PHACTR2: variants seen among roughly 807,000 people sequenced by gnomAD.
The protein encoded by PHACTR2 is phosphatase and actin regulator 2, also known as chromosome 6 open reading frame 56.
Under a neutral mutation model 76.0 loss-of-function variants are expected in PHACTR2, and 30 were observed. That is an observed-to-expected ratio of 0.39 (90% CI 0.30 to 0.54). The LOEUF (loss-of-function observed/expected upper bound fraction) is 0.54, where lower values mean the gene tolerates loss of function less well. Among genes scored for constraint, PHACTR2 ranks in the 20% least tolerant of loss-of-function variants. PHACTR2 has a pLI of 0.61. For synonymous variants in PHACTR2, 292 were observed against 292.5 expected, an observed-to-expected ratio of 1.00 and a Z score of 0.02; for missense variants, 696 against 781.1, an observed-to-expected ratio of 0.89 and a Z score of 1.30.
rs1054857114 is a variant in PHACTR2 at position 143,581,776 on chromosome 6, G to A, written c.217+44569G>A. Among the ~76,000 whole-genome samples, 1 of 152,090 alleles carries A rather than the reference G, an allele frequency of 6.6e-6. No homozygotes were observed. Among genetic ancestry groups the A allele is most frequent in the African/African-American group, 2.4e-5 (1 of 41,406 alleles). ...AGCCTGGGAAAGTCGAGGCTGCAGT[G>A]AGCCATGATCACGCCACTGCACTCC... On this transcript the variant is annotated intron_variant, in intron 1 of 11. Transcript: ENST00000367584. This position sits in a 1 kb window ranked among gnomAD's most constrained non-coding sequence, Gnocchi z 4.5.
chr6:143,604,862 A>G (rs1416211241), upstream of PHACTR2, among the ~76,000 whole-genome samples: 1 of 149,526 alleles, frequency 6.7e-6, no homozygotes, highest in Non-Finnish European at 1.5e-5. Flanking sequence ...ATTGCACTCC[A>G]GCCTAGGCAA....
upstream of PHACTR2, among the ~76,000 whole-genome samples, chr6:143,604,096 CAAAAAAAA>C (rs5880568): frequency 4.8e-4 from 53 of 110,352 alleles, no homozygotes; most frequent in Non-Finnish European, 7.0e-4. Context: ...GACTCTGATT[CAAAAAAAA>C]AAAAAAAAAA....
chr6:143,702,589 A>G (rs1448363519), intron 1 of PHACTR2, among the ~76,000 whole-genome samples: 1 of 152,120 alleles, frequency 6.6e-6, no homozygotes, highest in Non-Finnish European at 1.5e-5. Flanking sequence ...CAATTTGGGA[A>G]GCCAGATAGC....
chr6:143,798,381 A>G (rs1449054441), intron 11 of PHACTR2, among the ~76,000 whole-genome samples: 3 of 152,122 alleles, frequency 2.0e-5, no homozygotes, highest in Non-Finnish European at 2.9e-5. Context: ...CTATTTGAAT[A>G]CCTTTTATTG....
At chr6:143,637,292 T>G (rs956734496) in intron 1 of PHACTR2, among the ~76,000 whole-genome samples, 3 of 151,598 alleles carry the variant, frequency 2.0e-5, no homozygotes, top group African/African-American at 7.3e-5. Flanking sequence ...TTTGTTTTTC[T>G]AAGTTAACCA....
chr6:143,604,904 G>A (rs201583252), upstream of PHACTR2, among the ~76,000 whole-genome samples: 10 of 116,838 alleles, frequency 8.6e-5, no homozygotes, highest in African/African-American at 2.5e-4. Context: ...AAAAAAAAAA[G>A]AGAAAAAAAA....
rs1777825752 is a variant in PHACTR2, at chr6:143,698,538, GC to G, written c.47-13475del. On this transcript the variant is annotated intron_variant, in intron 1 of 12. Coordinates refer to ENST00000440869, the MANE Select transcript of PHACTR2 (RefSeq NM_001100164.2). The surrounding 1 kb of genome is among the most constrained non-coding windows in gnomAD (Gnocchi z 4.3). The stretch of plus-strand genomic sequence containing the variant: ...TATGAAACTAGACTAAACCTCTGTA[GC>G]CCTCAAACAATTTTACCCTGAATTT... Among the ~76,000 whole-genome samples, 1 of 152,140 alleles carries G rather than the reference GC, an allele frequency of 6.6e-6. No homozygotes were observed. The highest frequency in any genetic ancestry group is 1.5e-5 in the Non-Finnish European group (1 of 68,024).
At chr6:143,745,722 G>GT (rs5880571) in intron 2 of PHACTR2, among the ~76,000 whole-genome samples, 62,172 of 152,180 alleles carry the variant, frequency 0.41, 13,214 homozygotes, top group South Asian at 0.5. Context: ...GTCGCCTGCA[G>GT]TTTGTTCTCA....
intron 1 of PHACTR2, among the ~76,000 whole-genome samples, chr6:143,573,194 T>C (rs918088112): frequency 5.9e-5 from 9 of 152,206 alleles, no homozygotes; most frequent in African/African-American, 1.7e-4. Context: ...AGTGTTATAT[T>C]CCTGTGGGGA....
chr6:143,570,599 C>G lies in PHACTR2; in HGVS notation c.217+33392C>G, dbSNP rs1314639092. 6.6e-6 allele frequency among the ~76,000 whole-genome samples: 1 copy of G among 152,136 alleles called. No individual in the cohort carries two copies. The highest frequency in any genetic ancestry group is 1.5e-5 in the Non-Finnish European group (1 of 68,018). On this transcript the variant is annotated intron_variant, in intron 1 of 11. Transcript: ENST00000367584. This position sits in a 1 kb window ranked among gnomAD's most constrained non-coding sequence, Gnocchi z 4.6. ...CTGATGAGGTGACTGGCAACTCACC[C>G]CAGGTGTGGCAGGCCCCTCCCCACT...
rs915587894 is a variant in PHACTR2, at chr6:143,592,260, C to T, written c.217+55053C>T. On this transcript the variant is annotated intron_variant, in intron 1 of 11. Coordinates refer to the PHACTR2 transcript ENST00000367584. This position sits in a 1 kb window ranked among gnomAD's most constrained non-coding sequence, Gnocchi z 4.0. ...GGGGCTTCCATTTGTGTACTTGCCC[C>T]AGTCCCTACAAATGTAATGGGCAGG... 2.0e-5 allele frequency among the ~76,000 whole-genome samples: 3 copies of T among 152,162 alleles called. No homozygotes were observed. The highest frequency in any genetic ancestry group is 4.4e-5 in the Non-Finnish European group (3 of 68,024).
At chr6:143,681,084 G>T (rs750600427) in intron 1 of PHACTR2, among the ~76,000 whole-genome samples, 1 of 152,136 alleles carries the variant, frequency 6.6e-6, no homozygotes, top group Non-Finnish European at 1.5e-5. Flanking sequence ...ACAAGTTGTT[G>T]TGAAGATATG....
chr6:143,543,515 C>G lies in PHACTR2; in HGVS notation c.217+6308C>G, dbSNP rs184776972. Reference sequence around the variant, plus strand: ...GGCCTGGGGGAGAACCTAGGATGGTCGGCTATAGGGAATGGCTGTGGGGAG... The same window carrying G: ...GGCCTGGGGGAGAACCTAGGATGGTGGGCTATAGGGAATGGCTGTGGGGAG... On this transcript the variant is annotated intron_variant, in intron 1 of 11. Transcript: ENST00000367584. This position sits in a 1 kb window ranked among gnomAD's most constrained non-coding sequence, Gnocchi z 4.7. Among the ~76,000 whole-genome samples the G allele has an allele frequency of 6.6e-6, 1 of 152,100 alleles. No individual in the cohort carries two copies. Among genetic ancestry groups the G allele is most frequent in the Non-Finnish European group, 1.5e-5 (1 of 68,024 alleles).
upstream of PHACTR2, among the ~76,000 whole-genome samples, chr6:143,673,174 C>T (rs1350940858): frequency 6.6e-6 from 1 of 152,144 alleles, no homozygotes; most frequent in African/African-American, 2.4e-5. Context: ...GTACCACGCC[C>T]ATGGGAAGTC....
chr6:143,636,880 T>A (rs1228298332), intron 1 of PHACTR2, among the ~76,000 whole-genome samples: 1 of 152,240 alleles, frequency 6.6e-6, no homozygotes, highest in Non-Finnish European at 1.5e-5. Context: ...TTGTCTCATA[T>A]CTTAGTACCT....
chr6:143,707,281 T>A (rs889064259), intron 1 of PHACTR2, among the ~76,000 whole-genome samples: 12 of 152,374 alleles, frequency 7.9e-5, no homozygotes, highest in African/African-American at 2.9e-4. Flanking sequence ...TATCAAAGCA[T>A]TGTTTACCAC....
Position 143,570,317 on chromosome 6 carries a change from C to A in PHACTR2, c.217+33110C>A, listed in dbSNP as rs1168833951. 6.6e-6 allele frequency among the ~76,000 whole-genome samples: 1 copy of A among 152,132 alleles called. No homozygotes were observed. Among genetic ancestry groups the A allele is most frequent in the Non-Finnish European group, 1.5e-5 (1 of 68,020 alleles). On this transcript the variant is annotated intron_variant, in intron 1 of 11. Transcript: ENST00000367584. The surrounding 1 kb of genome is among the most constrained non-coding windows in gnomAD (Gnocchi z 4.6). ...CCCATTTGTTTTTCCATTCAGCCAC[C>A]CGCTGGCCCTAATCACAAATGTCTT...
chr6:143,687,495 A>T (rs1046099042), intron 1 of PHACTR2, among the ~76,000 whole-genome samples: 9 of 152,218 alleles, frequency 5.9e-5, no homozygotes, highest in Non-Finnish European at 8.8e-5. Context: ...AAGTGATATT[A>T]AGGATAGAAA....
rs1313933050 is a variant in PHACTR2, at chr6:143,653,307, T to C, written c.13+44985T>C. Among the ~76,000 whole-genome samples the C allele has an allele frequency of 1.3e-5, 2 of 152,196 alleles. No individual in the cohort carries two copies. The highest frequency in any genetic ancestry group is 2.9e-5 in the Non-Finnish European group (2 of 68,040). Reference sequence around the variant, plus strand: ...TCCACTCTTGTAAAATGAAGGCTGCTCTGACTCCTGCCTGCAATCTCCAGC... The same window carrying C: ...TCCACTCTTGTAAAATGAAGGCTGCCCTGACTCCTGCCTGCAATCTCCAGC... On this transcript the variant is annotated intron_variant, in intron 1 of 11. Coordinates refer to the PHACTR2 transcript ENST00000305766. This position sits in a 1 kb window ranked among gnomAD's most constrained non-coding sequence, Gnocchi z 4.9.
Sources: gnomAD v4.1 joint callset for allele counts (sites outside exome capture counted in the v4.1 genomes callset) on GRCh38, gnomAD v4.1.1 for gene constraint, Gnocchi (gnomAD v3.1) non-coding constraint, MANE v1.5 for transcripts, NCBI Gene and HGNC (gene_info 2026-07-23, HGNC 2026-07-21) for gene names.